The following HMGXB3 variants were observed in gnomAD, a reference collection of about 807,000 sequenced individuals.
The protein encoded by HMGXB3 is HMG-box containing 3.
In HMGXB3, 45 loss-of-function variants were observed where a neutral mutation model predicts 121.5. That is an observed-to-expected ratio of 0.37 (90% CI 0.29 to 0.47). HMGXB3 has a LOEUF of 0.47. Among genes scored for constraint, HMGXB3 ranks in the 20% least tolerant of loss-of-function variants. The pLI is 0.99. For missense variants in HMGXB3, 1,376 were observed against 1,602.2 expected (o/e 0.86, Z 2.41); for synonymous variants, 590 against 624.1 (o/e 0.95, Z 0.81).
rs754259572 is a variant in HMGXB3 at position 150,006,468 on chromosome 5, C to T, written c.138-5C>T. 1.9e-6 allele frequency: 3 copies of T among 1,548,594 alleles called. No homozygotes were observed. The South Asian group carries it at 3.6e-5, about 19-fold the overall frequency. Reference sequence around the variant, plus strand: ...GAAAGCCTGAAGAAGTCATTGCTTCCTCAGGTCTGCTTACCTTCTGTACTA... The same window carrying T: ...GAAAGCCTGAAGAAGTCATTGCTTCTTCAGGTCTGCTTACCTTCTGTACTA... On this transcript the variant is annotated splice_polypyrimidine_tract_variant and splice_region_variant and intron_variant, in intron 2 of 19. Transcript: ENST00000502717.
Position 150,051,808 on chromosome 5 carries a change from C to G in HMGXB3, c.3495C>G (p.Thr1165=). 1 of 1,548,268 alleles carries G rather than the reference C, an allele frequency of 6.5e-7. No homozygotes were observed. The highest frequency in any genetic ancestry group is 8.7e-7 in the Non-Finnish European group (1 of 1,147,100). ...AGCACTCTATCCAGCACCCAGTCAC[C>G]AAGACTGCCACGCGGCGCATCGTCC... ...ETEHSIQHPV[T]KTATRRIVHA... Residue 1165 remains threonine, a synonymous_variant, in exon 20 of 20, where the codon ACC becomes ACG. Transcript: ENST00000502717.
chr5:150,031,747 T>C (rs936049898), intron 10 of HMGXB3, among the ~76,000 whole-genome samples: 1 of 152,136 alleles, frequency 6.6e-6, no homozygotes, highest in African/African-American at 2.4e-5. Context: ...TCAAAAAATA[T>C]TTATTGAGCA....
rs995845357 is a variant in HMGXB3 at position 150,012,265 on chromosome 5, A to C, written c.821A>C (p.Glu274Ala). Residue 274 changes from glutamate (E) to alanine (A), a missense_variant, in exon 5 of 20, where the codon GAG becomes GCG. Glu to Ala is a moderately radical substitution (Grantham distance 107). Around this residue, in one of 2 missense-constraint regions of HMGXB3, gnomAD observed 1,116 missense variants for 1,369.0 expected, o/e 0.82. Coordinates refer to ENST00000502717, the MANE Select transcript of HMGXB3 (RefSeq NM_014983.3). Reference protein sequence around the residue: ...SVVTVMRDSSESSSSAPATQF... With the variant: ...SVVTVMRDSSASSSSAPATQF... ...CTTCATTGCCCATAGGATTCCAGTG[A>C]GAGTAGCTCCTCTGCACCAGCCACA... The C allele has an allele frequency of 3.9e-6, 6 of 1,551,752 alleles. No individual in the cohort carries two copies.
At chr5:150,006,397 G>A (rs767217337) in intron 2 of HMGXB3, 76 bp from the exon 3 acceptor site, 1 of 1,293,626 alleles carries the variant, frequency 7.7e-7, no homozygotes, top group Non-Finnish European at 1.1e-6. Flanking sequence ...GTCGAGGGAT[G>A]GGGAGTGGGA....
rs1756513042 is a variant in HMGXB3, at chr5:150,036,886, C to T, written c.2234C>T (p.Pro745Leu). ...QTSWSNYYES[P>L]STQCLLCSSP... ...TCTTGGTCGAATTATTATGAGTCTC[C>T]GTCCACGCAGTGCCTTCTCTGTAGC... is the stretch of plus-strand genomic sequence containing the variant. Residue 745 changes from proline (P) to leucine (L), a missense_variant, in exon 12 of 20, where the codon CCG becomes CTG. By Grantham distance (98) the Pro-to-Leu change is moderately conservative. Coordinates refer to ENST00000502717, the MANE Select transcript of HMGXB3 (RefSeq NM_014983.3). 10 of 1,551,500 alleles carry T rather than the reference C, an allele frequency of 6.4e-6. No homozygotes were observed. The highest frequency in any genetic ancestry group is 1.7e-4 in the Middle Eastern group (1 of 6,008).
chr5:150,002,378 T>C (rs1400625966), intron 1 of HMGXB3, among the ~76,000 whole-genome samples: 1 of 152,208 alleles, frequency 6.6e-6, no homozygotes, highest in Non-Finnish European at 1.5e-5. Flanking sequence ...AATAGACTTC[T>C]CTGAGATCAT....
chr5:150,036,830 G>T lies in HMGXB3; in HGVS notation c.2178G>T (p.Val726=). ...GCTCTCGACTTATCTTGTCCAACGT[G>T]AGTGAGGAGACAGTCACCATCGAGC... ...LNSSRLILSN[V]SEETVTIEQT... The change falls in exon 12 of 20, where the codon GTG becomes GTT. Residue 726 remains valine (V), a synonymous_variant. Coordinates refer to ENST00000502717, the MANE Select transcript of HMGXB3 (RefSeq NM_014983.3). The T allele has an allele frequency of 6.4e-7, 1 of 1,551,698 alleles. No individual in the cohort carries two copies. Among genetic ancestry groups the T allele is most frequent in the Non-Finnish European group, 8.7e-7 (1 of 1,146,998 alleles).
chr5:150,011,405 A>G (rs1287208684), intron 4 of HMGXB3, among the ~76,000 whole-genome samples: 45 of 152,126 alleles, frequency 3.0e-4, no homozygotes, highest in Non-Finnish European at 1.5e-4. Flanking sequence ...CTTGGAGAGG[A>G]TAGCATTCTC....
Position 150,006,525 on chromosome 5 carries a change from C to T in HMGXB3, c.190C>T (p.Leu64Phe). Residue 64 changes from leucine to phenylalanine, a missense_variant, in exon 3 of 20, where the codon CTC (leucine) becomes TTC (phenylalanine). This residue lies in a region of HMGXB3 where 1,116 missense variants were observed against 1,369.0 expected (regional missense o/e 0.82). Transcript: ENST00000502717. ...YDIYLKVQQE[L>F]PHLPQSEINK... ...CATCTACCTGAAAGTGCAGCAGGAG[C>T]TCCCCCACCTCCCTCAGTCTGAGAT... The T allele has an allele frequency of 1.3e-6, 2 of 1,551,958 alleles. No homozygotes were observed. The highest frequency in any genetic ancestry group is 1.7e-6 in the Non-Finnish European group (2 of 1,147,012).
At chr5:150,024,137 T>G (rs1325640693) in intron 6 of HMGXB3, 125 bp from the exon 7 acceptor site, 2 of 806,548 alleles carry the variant, frequency 2.5e-6, no homozygotes, top group Non-Finnish European at 3.7e-6. Flanking sequence ...TTAAGTTAAC[T>G]TCTTCCTTTC....
In HMGXB3 at chr5:150,051,713, TTTCTC is replaced by T; in HGVS notation, c.3412-7_3412-3del. The T allele has an allele frequency of 6.0e-6, 9 of 1,499,796 alleles. No homozygotes were observed. Among genetic ancestry groups the T allele is most frequent in the South Asian group, 2.5e-5 (2 of 79,952 alleles). The allele number at this position is 1,499,796 out of a possible 1,614,324, so 92.9% of individuals were successfully genotyped here. On this transcript the variant is annotated splice_region_variant and splice_polypyrimidine_tract_variant and intron_variant, in intron 19 of 19. Coordinates refer to ENST00000502717, the MANE Select transcript of HMGXB3 (RefSeq NM_014983.3). ...TCCTTCTTATCAAAATGCATTCTCA[TTTCTC>T]TTCTAGAGTGTGTCCTGCCCAGAGC...
intron 15 of HMGXB3, among the ~76,000 whole-genome samples, chr5:150,044,380 C>G (rs915713694): frequency 1.3e-5 from 2 of 152,142 alleles, no homozygotes; most frequent in African/African-American, 4.8e-5. Flanking sequence ...CCTCATTCCC[C>G]TAGGTGTGCC....
At chr5:150,022,501 G>A (rs763537355) in intron 6 of HMGXB3, among the ~76,000 whole-genome samples, 3 of 152,186 alleles carry the variant, frequency 2.0e-5, no homozygotes, top group Non-Finnish European at 4.4e-5. Flanking sequence ...TCTAAAATGA[G>A]TAGGCTGAGT....
At chr5:150,036,497 T>C in intron 11 of HMGXB3, 139 bp from the exon 12 acceptor site, 1 of 677,830 alleles carries the variant, frequency 1.5e-6, no homozygotes. Flanking sequence ...AGTTATTAGC[T>C]GAGCTGGTTA....
chr5:150,007,446 A>C (rs189277475), intron 3 of HMGXB3, among the ~76,000 whole-genome samples: 98 of 152,378 alleles, frequency 6.4e-4, no homozygotes, highest in African/African-American at 2.3e-3. Context: ...ATTTCAATAG[A>C]AACAGTTGTC....
intron 9 of HMGXB3, among the ~76,000 whole-genome samples, chr5:150,028,537 G>A (rs1212429697): frequency 0.03 from 1,703 of 57,310 alleles, 58 homozygotes; most frequent in African/African-American, 0.15. Context: ...GTGTGTGTGT[G>A]TGTGTATATA....
chr5:150,033,407 G>A (rs2113751332), intron 11 of HMGXB3, among the ~76,000 whole-genome samples: 1 of 152,254 alleles, frequency 6.6e-6, no homozygotes. Context: ...GAATGGAAGG[G>A]GAAGGCATGC....
chr5:150,044,627 C>T (rs1756714078), intron 15 of HMGXB3, among the ~76,000 whole-genome samples: 1 of 152,170 alleles, frequency 6.6e-6, no homozygotes, highest in Non-Finnish European at 1.5e-5. Flanking sequence ...AACAAGTTGT[C>T]AGATGATACT....
At chr5:150,038,703 G>A (rs1164937762) in intron 13 of HMGXB3, among the ~76,000 whole-genome samples, 1 of 152,144 alleles carries the variant, frequency 6.6e-6, no homozygotes, top group African/African-American at 2.4e-5. Flanking sequence ...ATTATGGCAC[G>A]TAGCCTTTTG....
Sources: gnomAD v4.1 joint callset for allele counts (sites outside exome capture counted in the v4.1 genomes callset) on GRCh38, gnomAD v4.1.1 for gene constraint, gnomAD v4.1.1 regional missense constraint, MANE v1.5 for transcripts, NCBI Gene and HGNC (gene_info 2026-07-23, HGNC 2026-07-21) for gene names.